Variants in SNX27 observed in about 807,000 individuals in gnomAD.
SNX27 encodes the protein sorting nexin 27, also known as sorting nexin-27.
Under a neutral mutation model 71.6 loss-of-function variants are expected in SNX27, and 22 were observed. The observed-to-expected ratio is 0.31, with a 90% CI of 0.22 to 0.44. SNX27 has a LOEUF of 0.44. Among genes scored for constraint, SNX27 ranks in the 20% least tolerant of loss-of-function variants. The pLI is 1.00. For synonymous variants in SNX27, 269 were observed against 277.2 expected (o/e 0.97, Z 0.29); for missense variants, 531 against 698.6 (o/e 0.76, Z 2.70).
At chr1:151,691,958 C>T (rs1358042402) in intron 8 of SNX27, among the ~76,000 whole-genome samples, 4 of 152,222 alleles carry the variant, frequency 2.6e-5, no homozygotes, top group African/African-American at 4.8e-5. Flanking sequence ...CTTGCACTTT[C>T]GGTGGCTGAG....
At chr1:151,666,179 C>A in intron 6 of SNX27, 168 bp downstream of exon 6, 1 of 419,678 alleles carries the variant, frequency 2.4e-6, no homozygotes, top group Non-Finnish European at 4.2e-6. Context: ...TGTCTGATCA[C>A]TGTTGATTCT....
chr1:151,651,300 C>T (rs1384408808), intron 2 of SNX27, among the ~76,000 whole-genome samples: 14 of 151,272 alleles, frequency 9.3e-5, no homozygotes, highest in Non-Finnish European at 7.4e-5. Context: ...TACCTCCCTC[C>T]CAGATGGGGC....
intron 8 of SNX27, among the ~76,000 whole-genome samples, chr1:151,688,564 G>A (rs1442285704): frequency 2.6e-5 from 4 of 151,182 alleles, no homozygotes; most frequent in Non-Finnish European, 2.9e-5. Context: ...CCCGGGAGGC[G>A]GAGGTTGCAG....
At chr1:151,633,607 C>G (rs1319581402) in intron 1 of SNX27, among the ~76,000 whole-genome samples, 1 of 152,070 alleles carries the variant, frequency 6.6e-6, no homozygotes, top group African/African-American at 2.4e-5. Context: ...TCTTTGTGCC[C>G]CTTTGCATTC....
chr1:151,628,581 C>T (rs1438305761), intron 1 of SNX27, among the ~76,000 whole-genome samples: 1 of 152,128 alleles, frequency 6.6e-6, no homozygotes, highest in African/African-American at 2.4e-5. Flanking sequence ...AAATGACTAT[C>T]ATTTTGTATT....
chr1:151,621,411 T>TA (rs746705031), intron 1 of SNX27, among the ~76,000 whole-genome samples: 39 of 152,346 alleles, frequency 2.6e-4, no homozygotes, highest in Non-Finnish European at 5.0e-4. Flanking sequence ...CTTCCACTGA[T>TA]ACGAAAACAT....
intron 2 of SNX27, among the ~76,000 whole-genome samples, chr1:151,649,067 A>G (rs993324084): frequency 2.0e-5 from 3 of 151,088 alleles, no homozygotes; most frequent in Non-Finnish European, 2.9e-5. Flanking sequence ...GGTTCAAGCA[A>G]TTCTCTGCCT....
intron 7 of SNX27, 123 bp downstream of exon 7, chr1:151,668,758 G>C (rs766553581): frequency 2.7e-6 from 2 of 749,366 alleles, no homozygotes; most frequent in Non-Finnish European, 2.0e-6. Flanking sequence ...AATTACATTT[G>C]TAAAATGTTC....
intron 8 of SNX27, among the ~76,000 whole-genome samples, chr1:151,687,125 T>TCCTC (rs1208268435): frequency 1.3e-5 from 2 of 152,344 alleles, no homozygotes; most frequent in East Asian, 1.9e-4. Flanking sequence ...TTCTCTTCCT[T>TCCTC]CCTCCCTCCC....
chr1:151,618,317 A>T (rs1667520544), intron 1 of SNX27, among the ~76,000 whole-genome samples: 1 of 152,188 alleles, frequency 6.6e-6, no homozygotes, highest in African/African-American at 2.4e-5. Context: ...CTTTGCCTTT[A>T]TTATTGCTAT....
intron 2 of SNX27, among the ~76,000 whole-genome samples, chr1:151,653,804 A>T (rs1489349321): frequency 6.7e-5 from 10 of 150,198 alleles, no homozygotes; most frequent in Non-Finnish European, 4.4e-5. Flanking sequence ...TATAGACAAG[A>T]GCCACTGTGC....
At chr1:151,652,128 C>G (rs961984514) in intron 2 of SNX27, among the ~76,000 whole-genome samples, 1 of 147,328 alleles carries the variant, frequency 6.8e-6, no homozygotes, top group Non-Finnish European at 1.5e-5. Flanking sequence ...TGCAGTGAGC[C>G]GAGATGGCAG....
At chr1:151,682,570 C>T (rs576042120) in intron 7 of SNX27, among the ~76,000 whole-genome samples, 4 of 152,220 alleles carry the variant, frequency 2.6e-5, no homozygotes, top group African/African-American at 9.6e-5. Context: ...ATTCACCCGC[C>T]TCAGCCTCCC....
chr1:151,681,159 A>G (rs921479314), intron 7 of SNX27, among the ~76,000 whole-genome samples: 4 of 151,572 alleles, frequency 2.6e-5, no homozygotes, highest in African/African-American at 7.3e-5. Context: ...AGTTTTACAC[A>G]GTGAAAGGGT....
At chr1:151,642,984 A>G (rs1668847542) in intron 2 of SNX27, among the ~76,000 whole-genome samples, 1 of 146,052 alleles carries the variant, frequency 6.8e-6, no homozygotes, top group Admixed American at 6.8e-5. Flanking sequence ...ATTTTTTGAG[A>G]CGGAATTTCA....
At position 151,612,312 on chromosome 1, in the gene SNX27, A is replaced by G. The variant is rs1571741328; in HGVS notation, c.111A>G (p.Gly37=). The G allele has an allele frequency of 2.6e-6, 4 of 1,517,134 alleles. No individual in the cohort carries two copies. The highest frequency in any genetic ancestry group is 2.8e-5 in the East Asian group (1 of 36,288). The allele number at this position is 1,517,134 out of a possible 1,614,324, so 94.0% of individuals were successfully genotyped here. A position where few individuals can be genotyped will look rare whatever the true frequency, so the allele number is the denominator to read the frequency against. The part of the protein sequence containing the change: ...GLHCAGNGGG[G]GGGPRVVRIV... Reference sequence around the variant, plus strand: ...ACTGCGCCGGGAACGGCGGCGGGGGAGGCGGCGGCCCGCGGGTCGTGCGCA... The same window carrying G: ...ACTGCGCCGGGAACGGCGGCGGGGGGGGCGGCGGCCCGCGGGTCGTGCGCA... The change falls in exon 1 of 12, where the codon GGA becomes GGG. Residue 37 remains glycine, a synonymous_variant. Coordinates refer to ENST00000458013, the MANE Select transcript of SNX27 (RefSeq NM_001330723.2). This position sits in a 1 kb window ranked among gnomAD's most constrained non-coding sequence, Gnocchi z 5.2.
chr1:151,691,466 GTTTT>G (rs553869904), intron 8 of SNX27, among the ~76,000 whole-genome samples: 1 of 132,624 alleles, frequency 7.5e-6, no homozygotes. Context: ...TGTTTTTCTG[GTTTT>G]TTTTTTTTTT....
At chr1:151,637,160 TTGTTTTTTTG>T (rs1320191934) in intron 1 of SNX27, among the ~76,000 whole-genome samples, 9 of 18,514 alleles carry the variant, frequency 4.9e-4, no homozygotes, top group African/African-American at 7.2e-4. Flanking sequence ...CACGTTTTTT[TTGTTTTTTTG>T]TTTTTTTTTT....
chr1:151,668,590 T>G lies in SNX27; in HGVS notation c.1104T>G (p.Ile368Met), dbSNP rs1483071992. Residue 368 changes from isoleucine to methionine, a missense_variant, in exon 7 of 12, where the codon ATT becomes ATG. This residue lies in a region of SNX27 where 184 missense variants were observed against 289.6 expected (regional missense o/e 0.64). Transcript: ENST00000458013. ...GGCTTTTTACAACAGAAGAAGAAAT[T>G]CTCTTAAATGACAATGACCTTGCTG... ...RKWLFTTEEE[I>M]LLNDNDLAVT... 2 of 1,614,018 alleles carry G rather than the reference T, an allele frequency of 1.2e-6. No individual in the cohort carries two copies. Among genetic ancestry groups the G allele is most frequent in the East Asian group, 4.5e-5 (2 of 44,854 alleles).
Sources: allele counts gnomAD v4.1 joint callset (sites outside exome capture counted in the v4.1 genomes callset), GRCh38; gene constraint gnomAD v4.1.1; regional missense constraint gnomAD v4.1.1; non-coding constraint Gnocchi (gnomAD v3.1); transcripts MANE v1.5; gene names NCBI Gene and HGNC (gene_info 2026-07-23, HGNC 2026-07-21).